The following HEMK1 variants were observed in gnomAD, a reference collection of about 807,000 sequenced individuals.
The protein encoded by HEMK1 is MTRF1L release factor glutamine methyltransferase.
In HEMK1, 36 loss-of-function variants were observed where a neutral mutation model predicts 47.9. That is an observed-to-expected ratio of 0.75 (90% confidence interval 0.58 to 0.99). The LOEUF is 0.99. Among genes scored for constraint, HEMK1 ranks in the 50% least tolerant of loss-of-function variants. The probability of loss-of-function intolerance (pLI) is 0.00; values close to 1 mark genes in which losing one functional copy is unlikely to be tolerated. For synonymous variants in HEMK1, 153 were observed against 165.4 expected, an observed-to-expected ratio of 0.93 and a Z score of 0.57; for missense variants, 383 against 434.5, an observed-to-expected ratio of 0.88 and a Z score of 1.05.
Position 50,580,364 on chromosome 3 carries a change from T to C in HEMK1, c.981-17T>C. The C allele has an allele frequency of 6.2e-7, 1 of 1,614,142 alleles. No individual in the cohort carries two copies. Among genetic ancestry groups the C allele is most frequent in the East Asian group, 2.2e-5 (1 of 44,888 alleles). ...TGAGGCCCAGGTGGTAACCAGCCCC[T>C]GTCCCTGTCTCCTCAGGCCCCGGTT... is the stretch of plus-strand genomic sequence containing the variant. On this transcript the variant is annotated splice_polypyrimidine_tract_variant and intron_variant, in intron 10 of 10. Coordinates refer to ENST00000232854, the MANE Select transcript of HEMK1 (RefSeq NM_016173.5).
At chr3:50,571,506 T>A in intron 2 of HEMK1, 174 bp downstream of exon 2, 1 of 674,060 alleles carries the variant, frequency 1.5e-6, no homozygotes, top group Non-Finnish European at 2.6e-6. Flanking sequence ...AATGAATATA[T>A]CTCTGCCTAA....
rs946678876 is a variant in HEMK1 at position 50,576,045 on chromosome 3, C to T, written c.415-1007C>T. ...AGGGCAGGTACAGTGCAGTCAGGCA[C>T]CTCCCTCTGCACCCATGCCTGTTGA... On this transcript the variant is annotated intron_variant, in intron 4 of 10. Transcript: ENST00000232854. Among the ~76,000 whole-genome samples, 7 of 152,248 alleles carry T rather than the reference C, an allele frequency of 4.6e-5. No homozygotes were observed. The East Asian group carries it at 7.7e-4, about 17-fold the overall frequency.
At chr3:50,570,573 G>A (rs1208259195) in intron 1 of HEMK1, 1 of 152,354 alleles carries the variant, frequency 6.6e-6, no homozygotes, top group Non-Finnish European at 1.5e-5. Context: ...CTTGCCATGG[G>A]TTTGGTGTGA....
rs747948205 is a variant in HEMK1 at position 50,579,925 on chromosome 3, C to T, written c.852C>T (p.Leu284=). ...ACATTCTGGCCTTGGCACCCCGGCTCCTGAAAGACTCTGGGTATGAATGGG... is the reference window on the plus strand; with the variant it reads ...ACATTCTGGCCTTGGCACCCCGGCTTCTGAAAGACTCTGGGTATGAATGGG... ...ITHILALAPR[L]LKDSGSIFLE... Residue 284 remains leucine, a synonymous_variant, in exon 9 of 11, where the codon CTC becomes CTT. Coordinates refer to ENST00000232854, the MANE Select transcript of HEMK1 (RefSeq NM_016173.5). 6.2e-7 allele frequency: 1 copy of T among 1,613,766 alleles called. No individual in the cohort carries two copies. The highest frequency in any genetic ancestry group is 1.7e-5 in the Admixed American group (1 of 59,988).
rs1227243109 is a variant in HEMK1 at position 50,572,166 on chromosome 3, A to G, written c.372A>G (p.Leu124=). 1.2e-6 allele frequency: 2 copies of G among 1,613,786 alleles called. No individual in the cohort carries two copies. The highest frequency in any genetic ancestry group is 1.3e-5 in the African/African-American group (1 of 74,882). Residue 124 remains leucine, a synonymous_variant, in exon 4 of 11, where the codon CTA becomes CTG. Transcript: ENST00000232854. ...LGEWDFQGLS[L]RMVPPVFIPR... Reference sequence around the variant, plus strand: ...AGTGGGACTTCCAGGGGCTCAGCCTAAGGATGGTGCCCCCAGTGTTTATTC... The same window carrying G: ...AGTGGGACTTCCAGGGGCTCAGCCTGAGGATGGTGCCCCCAGTGTTTATTC...
Position 50,578,845 on chromosome 3 carries a change from G to A in HEMK1, c.689G>A (p.Trp230Ter). 6.2e-7 allele frequency: 1 copy of A among 1,613,150 alleles called. No individual in the cohort carries two copies. ...GAAAGGAGCTGGACACACCTGCCCT[G>A]GGGCCCCATGGACCTGATTGTCAGC... ...TSERSWTHLP[W>*]GPMDLIVSNP... is the part of the protein sequence containing the mutation. The change falls in exon 8 of 11, where the codon TGG becomes TAG. Residue 230 changes from tryptophan to a stop codon, truncating the protein, a stop_gained. Coordinates refer to ENST00000232854, the MANE Select transcript of HEMK1 (RefSeq NM_016173.5). LOFTEE classifies it high-confidence loss of function.
rs1311837687 is a variant in HEMK1 at position 50,595,904 on chromosome 3, G to A, written c.*15487G>A. On this transcript the variant is annotated 3_prime_UTR_variant, in exon 11 of 11. Coordinates refer to ENST00000232854, the MANE Select transcript of HEMK1 (RefSeq NM_016173.5). ...GGAAGAGGTTTCCACACCTGGGATT[G>A]ATACTGCTGGGACTCCAGGGCAGGT... The A allele has an allele frequency of 6.6e-6, 1 of 152,228 alleles. No homozygotes were observed. Among genetic ancestry groups the A allele is most frequent in the Non-Finnish European group, 1.5e-5 (1 of 68,042 alleles). 9.4% of individuals were successfully genotyped at this position (152,228 alleles called of 1,614,324 possible). A position where few individuals can be genotyped will look rare whatever the true frequency, so the allele number is the denominator to read the frequency against.
In HEMK1 at chr3:50,585,777, G is replaced by A. The variant is rs2031304323; in HGVS notation, c.*5360G>A. Reference sequence around the variant, plus strand: ...TACTGGAAGGGGTGGATCATGGCAAGACTTATATTCAATCCCTGATCTTTT... The same window carrying A: ...TACTGGAAGGGGTGGATCATGGCAAAACTTATATTCAATCCCTGATCTTTT... On this transcript the variant is annotated 3_prime_UTR_variant, in exon 11 of 11. Coordinates refer to ENST00000232854, the MANE Select transcript of HEMK1 (RefSeq NM_016173.5). The A allele has an allele frequency of 6.6e-6, 1 of 152,236 alleles. No homozygotes were observed. Among genetic ancestry groups the A allele is most frequent in the Admixed American group, 6.5e-5 (1 of 15,290 alleles). 9.4% of individuals were successfully genotyped at this position (152,236 alleles called of 1,614,324 possible).
At position 50,594,879 on chromosome 3, in the gene HEMK1, T is replaced by C. The variant is rs1032611045; in HGVS notation, c.*14462T>C. On this transcript the variant is annotated 3_prime_UTR_variant, in exon 11 of 11. Coordinates refer to ENST00000232854, the MANE Select transcript of HEMK1 (RefSeq NM_016173.5). ...CTCTCCCATTTTATATCAATAAGTG[T>C]GAAGGCTGAGATTTTATCCGACTTT... The C allele has an allele frequency of 6.6e-6, 1 of 150,428 alleles. No homozygotes were observed. Among genetic ancestry groups the C allele is most frequent in the Non-Finnish European group, 1.5e-5 (1 of 67,778 alleles). The allele number at this position is 150,428 out of a possible 1,614,324, so 9.3% of individuals were successfully genotyped here. A position where few individuals can be genotyped will look rare whatever the true frequency, so the allele number is the denominator to read the frequency against.
chr3:50,577,927 C>T (rs778144616), intron 7 of HEMK1, 52 bp downstream of exon 7: 11 of 1,556,564 alleles, frequency 7.1e-6, no homozygotes, highest in Non-Finnish European at 8.9e-6. Flanking sequence ...GCAGGTGCTG[C>T]TGGGTGGATG....
Position 50,571,692 on chromosome 3 carries a change from T to C in HEMK1, c.229-18T>C, listed in dbSNP as rs636168. 0.99 allele frequency: 1,601,072 copies of C among 1,613,590 alleles called. 795,120 individuals are homozygous for C. Among genetic ancestry groups the C allele is most frequent in the East Asian group, 1 (44,860 of 44,860 alleles). Reference sequence around the variant, plus strand: ...TTGGGCCCAGTGAGCCAGCCACTTATATTCTCTGTGGGGACAGTTTCAGAG... The same window carrying C: ...TTGGGCCCAGTGAGCCAGCCACTTACATTCTCTGTGGGGACAGTTTCAGAG... On this transcript the variant is annotated intron_variant, in intron 2 of 10. Transcript: ENST00000232854.
At position 50,572,359 on chromosome 3, in the gene HEMK1, GCAGAGCC is replaced by G. The variant is rs536186400; in HGVS notation, c.414+157_414+163del. 1.8e-4 allele frequency: 142 copies of G among 786,820 alleles called. 1 individual carries two copies. In the Middle Eastern group the frequency reaches 2.0e-3, roughly 11 times the overall value. The allele number at this position is 786,820 out of a possible 1,614,324, so 48.7% of individuals were successfully genotyped here. Reference sequence around the variant, plus strand: ...ATGTATTTCCTCTCTGACTGTGTTGGCAGAGCCCAGAGGACAGAGGATTCCTGTTGGT... The same window carrying G: ...ATGTATTTCCTCTCTGACTGTGTTGGCAGAGGACAGAGGATTCCTGTTGGT... On this transcript the variant is annotated intron_variant, in intron 4 of 10. Coordinates refer to ENST00000232854, the MANE Select transcript of HEMK1 (RefSeq NM_016173.5).
chr3:50,572,245 ATGG>A (rs1455384573), intron 4 of HEMK1, 37 bp downstream of exon 4: 4 of 1,568,560 alleles, frequency 2.6e-6, no homozygotes, highest in Non-Finnish European at 3.5e-6. Flanking sequence ...GATCAGGATG[ATGG>A]TGGAGTTCAG....
In HEMK1 at chr3:50,571,080, ACT is replaced by A. The variant is rs748011756; in HGVS notation, c.-22_-21del. ...AAAGCAGACTTGGGAACCTGGAAGC[ACT>A]CTGGAGAACCTTTCCCTGAGACATG... On this transcript the variant is annotated 5_prime_UTR_variant, in exon 2 of 11. Coordinates refer to ENST00000232854, the MANE Select transcript of HEMK1 (RefSeq NM_016173.5). 2.0e-5 allele frequency: 30 copies of A among 1,536,026 alleles called. No individual in the cohort carries two copies. Among genetic ancestry groups the A allele is most frequent in the South Asian group, 3.7e-5 (3 of 81,696 alleles).
At position 50,570,979 on chromosome 3, in the gene HEMK1, A is replaced by G. The variant is rs1036494324; in HGVS notation, c.-126A>G. ...GACCAGAGCCATTTTGGGGCACCAG[A>G]GCTTGTGACCTCTCCATCTCCACCC... On this transcript the variant is annotated 5_prime_UTR_variant, in exon 2 of 11. Coordinates refer to ENST00000232854, the MANE Select transcript of HEMK1 (RefSeq NM_016173.5). 1.5e-5 allele frequency: 10 copies of G among 653,134 alleles called. No individual in the cohort carries two copies. Among genetic ancestry groups the G allele is most frequent in the Non-Finnish European group, 2.0e-5 (8 of 394,810 alleles). The allele number at this position is 653,134 out of a possible 1,614,324, so 40.5% of individuals were successfully genotyped here.
At position 50,583,623 on chromosome 3, in the gene HEMK1, C is replaced by G. The variant is rs1278736706; in HGVS notation, c.*3206C>G. The G allele has an allele frequency of 3.9e-5, 6 of 152,292 alleles. No individual in the cohort carries two copies. Among genetic ancestry groups the G allele is most frequent in the East Asian group, 1.9e-4 (1 of 5,190 alleles). 9.4% of individuals were successfully genotyped at this position (152,292 alleles called of 1,614,324 possible). Reference sequence around the variant, plus strand: ...TGTCTTTCCCTATCCACCTTCGATTCTTTTCTCTTTTTTTTCTTCATTGGC... The same window carrying G: ...TGTCTTTCCCTATCCACCTTCGATTGTTTTCTCTTTTTTTTCTTCATTGGC... On this transcript the variant is annotated 3_prime_UTR_variant, in exon 11 of 11. Transcript: ENST00000232854.
At chr3:50,576,448 G>A (rs1701600003) in intron 4 of HEMK1, among the ~76,000 whole-genome samples, 1 of 152,220 alleles carries the variant, frequency 6.6e-6, no homozygotes, top group African/African-American at 2.4e-5. Context: ...CTCCCAGGCT[G>A]GAGTGCAGTG....
chr3:50,571,468 G>A (rs2107376915), intron 2 of HEMK1, 136 bp downstream of exon 2: 1 of 698,644 alleles, frequency 1.4e-6, no homozygotes, highest in Non-Finnish European at 2.4e-6. Context: ...CTTAGCGCCT[G>A]GCACACACTG....
chr3:50,578,583 GA>G (rs948324326), intron 7 of HEMK1, among the ~76,000 whole-genome samples: 14 of 152,220 alleles, frequency 9.2e-5, no homozygotes, highest in African/African-American at 3.4e-4. Context: ...TAATAAGGAG[GA>G]TTTTTGGCAA....
Sources: gnomAD v4.1 joint callset for allele counts (sites outside exome capture counted in the v4.1 genomes callset) on GRCh38, gnomAD v4.1.1 for gene constraint, MANE v1.5 for transcripts, NCBI Gene and HGNC (gene_info 2026-07-23, HGNC 2026-07-21) for gene names.